Variants in CNTLN observed in about 807,000 individuals in gnomAD.
CNTLN encodes centlein, centrosomal protein.
Under a neutral mutation model 180.0 loss-of-function variants are expected in CNTLN, and 212 were observed. That is an observed-to-expected ratio of 1.18 (90% CI 1.05 to 1.32). The LOEUF is 1.32. Among genes scored for constraint, CNTLN ranks in the 40% most tolerant of loss-of-function variants. The pLI is 0.00. For synonymous variants in CNTLN, 722 were observed against 563.1 expected (o/e 1.28, Z -3.99); for missense variants, 2,095 against 1,610.9 (o/e 1.30, Z -5.14).
intron 5 of CNTLN, among the ~76,000 whole-genome samples, chr9:17,246,515 G>A (rs114769906): frequency 0.027 from 4,114 of 152,226 alleles, 119 homozygotes; most frequent in African/African-American, 0.074. Flanking sequence ...TGCAGCACTG[G>A]TTCTCACTAA....
intron 3 of CNTLN, among the ~76,000 whole-genome samples, chr9:17,229,039 T>A (rs186740556): frequency 6.6e-6 from 1 of 152,116 alleles, no homozygotes; most frequent in Admixed American, 6.6e-5. Flanking sequence ...TATTTAATAG[T>A]TTAGTTAGAG....
At chr9:17,181,523 G>T (rs1821124296) in intron 2 of CNTLN, among the ~76,000 whole-genome samples, 1 of 152,144 alleles carries the variant, frequency 6.6e-6, no homozygotes, top group Non-Finnish European at 1.5e-5. Flanking sequence ...TGTCATCTTG[G>T]TGTTGGCATC....
At chr9:17,235,829 C>T (rs1825109445) in intron 4 of CNTLN, 37 bp downstream of exon 4, 3 of 1,557,942 alleles carry the variant, frequency 1.9e-6, no homozygotes, top group South Asian at 2.5e-5. Context: ...GGGACTGTTG[C>T]TTTGAAGTTC....
intron 2 of CNTLN, among the ~76,000 whole-genome samples, chr9:17,195,439 A>G (rs1298147027): frequency 6.6e-6 from 1 of 152,004 alleles, no homozygotes; most frequent in Non-Finnish European, 1.5e-5. Context: ...CCTTTTTGAT[A>G]TACTTTCCCA....
intron 18 of CNTLN, among the ~76,000 whole-genome samples, chr9:17,421,302 C>T (rs970270052): frequency 6.6e-6 from 1 of 151,862 alleles, no homozygotes; most frequent in Non-Finnish European, 1.5e-5. Context: ...CTAAATTGGC[C>T]CCTTTATCAT....
At chr9:17,366,843 A>T (rs1823864476) in intron 13 of CNTLN, 126 bp downstream of exon 13, 4 of 563,664 alleles carry the variant, frequency 7.1e-6, no homozygotes, top group Non-Finnish European at 1.3e-5. Flanking sequence ...TTATTCATTG[A>T]TAACTCACTA....
intron 2 of CNTLN, among the ~76,000 whole-genome samples, chr9:17,159,963 T>C (rs1364708941): frequency 6.6e-6 from 1 of 152,184 alleles, no homozygotes; most frequent in Non-Finnish European, 1.5e-5. Context: ...TTTGTTGTTT[T>C]AAAACTGCTC....
rs551585747 is a variant in CNTLN at position 17,438,400 on chromosome 9, A to T, written c.3115-19124A>T. On this transcript the variant is annotated intron_variant, in intron 18 of 25. Transcript: ENST00000380647. ...TCCCAAAAGTTTGATGACCAATTGCATATAGGAAGGTAAAGAAAAAAGAGG... is the reference window on the plus strand; with the variant it reads ...TCCCAAAAGTTTGATGACCAATTGCTTATAGGAAGGTAAAGAAAAAAGAGG... 5.2e-4 allele frequency among the ~76,000 whole-genome samples: 79 copies of T among 152,316 alleles called. 1 individual carries two copies. In the South Asian group the frequency reaches 0.016, roughly 32 times the overall value.
intron 5 of CNTLN, among the ~76,000 whole-genome samples, chr9:17,263,609 A>T (rs978943104): frequency 1.3e-5 from 2 of 148,436 alleles, no homozygotes; most frequent in Admixed American, 1.3e-4. Flanking sequence ...ATCCCTGAGG[A>T]ATTGCCACAC....
intron 5 of CNTLN, among the ~76,000 whole-genome samples, chr9:17,269,648 G>A (rs1359344620): frequency 1.3e-5 from 2 of 151,966 alleles, no homozygotes; most frequent in Non-Finnish European, 2.9e-5. Context: ...TATAATTTTA[G>A]TATTTTAAAA....
At chr9:17,221,509 T>C (rs1479678202) in intron 2 of CNTLN, among the ~76,000 whole-genome samples, 1 of 152,062 alleles carries the variant, frequency 6.6e-6, no homozygotes, top group African/African-American at 2.4e-5. Context: ...CAAGATAAAG[T>C]GCAAATGGTA....
intron 8 of CNTLN, among the ~76,000 whole-genome samples, chr9:17,312,364 T>TTA (rs1554685981): frequency 0.13 from 2,670 of 20,010 alleles, 90 homozygotes; most frequent in Non-Finnish European, 0.27. Flanking sequence ...TATATATATA[T>TTA]TATATATATA....
Position 17,135,343 on chromosome 9 carries a change from C to T in CNTLN, c.278C>T (p.Ser93Leu). ...PMGSRRLEGI[S>L]VEEAMVTRTQ... ...GGGTCCAGACGGCTAGAGGGCATCTCGGTAGAGGAGGCGATGGTGACCCGG... is the reference window on the plus strand; with the variant it reads ...GGGTCCAGACGGCTAGAGGGCATCTTGGTAGAGGAGGCGATGGTGACCCGG... The change falls in exon 1 of 26, where the codon TCG (serine) becomes TTG (leucine). Residue 93 changes from serine to leucine, a missense_variant. Coordinates refer to ENST00000380647, the MANE Select transcript of CNTLN (RefSeq NM_017738.4). The T allele has an allele frequency of 6.2e-7, 1 of 1,601,832 alleles. No homozygotes were observed. Among genetic ancestry groups the T allele is most frequent in the African/African-American group, 1.3e-5 (1 of 74,982 alleles).
chr9:17,191,838 AT>A (rs910991359), intron 2 of CNTLN, among the ~76,000 whole-genome samples: 6 of 152,164 alleles, frequency 3.9e-5, no homozygotes, highest in African/African-American at 1.4e-4. Context: ...AAAAACATGA[AT>A]TTTATTGTGA....
At chr9:17,457,351 T>C (rs993544566) in intron 18 of CNTLN, among the ~76,000 whole-genome samples, 173 bp from the exon 19 acceptor site, 1 of 152,118 alleles carries the variant, frequency 6.6e-6, no homozygotes, top group Admixed American at 6.6e-5. Flanking sequence ...CATACTACTA[T>C]AAGCAAAATC....
intron 6 of CNTLN, among the ~76,000 whole-genome samples, chr9:17,294,209 G>GAACA (rs1817622085): frequency 6.6e-6 from 1 of 152,012 alleles, no homozygotes; most frequent in Non-Finnish European, 1.5e-5. Flanking sequence ...AAGAGTGAAA[G>GAACA]AACAAAGCTT....
chr9:17,236,954 T>A (rs1825183014), intron 5 of CNTLN, among the ~76,000 whole-genome samples: 1 of 152,176 alleles, frequency 6.6e-6, no homozygotes, highest in Non-Finnish European at 1.5e-5. Context: ...ATTTTCTAGA[T>A]CCTTTGAAAT....
intron 15 of CNTLN, among the ~76,000 whole-genome samples, chr9:17,408,357 T>TC (rs1264203380): frequency 6.6e-6 from 1 of 152,078 alleles, no homozygotes; most frequent in Non-Finnish European, 1.5e-5. Flanking sequence ...TTATTTTTTT[T>TC]CTCTTTAACA....
intron 10 of CNTLN, among the ~76,000 whole-genome samples, chr9:17,333,876 A>C (rs1158738013): frequency 1.3e-5 from 2 of 152,202 alleles, no homozygotes; most frequent in African/African-American, 4.8e-5. Flanking sequence ...CAATTAGCTA[A>C]GCATCATACT....
Sources: allele counts gnomAD v4.1 joint callset (sites outside exome capture counted in the v4.1 genomes callset), GRCh38; gene constraint gnomAD v4.1.1; transcripts MANE v1.5; gene names NCBI Gene and HGNC (gene_info 2026-07-23, HGNC 2026-07-21).